Variants in YPEL1 observed in about 807,000 individuals in gnomAD.
The protein encoded by YPEL1 is yippee like 1.
Under a neutral mutation model 17.3 loss-of-function variants are expected in YPEL1, and 7 were observed. The observed-to-expected ratio is 0.40, with a 90% CI of 0.23 to 0.76. The LOEUF is 0.76. Among genes scored for constraint, YPEL1 ranks in the 30% least tolerant of loss-of-function variants. The pLI is 0.35. For synonymous variants in YPEL1, 59 were observed against 59.6 expected, an observed-to-expected ratio of 0.99 and a Z score of 0.05; for missense variants, 91 against 155.5, an observed-to-expected ratio of 0.59 and a Z score of 2.21.
rs1222789346 is a variant in YPEL1, at chr22:21,703,982, C to G, written c.118-100G>C. ...AGTCCAGCCCCGCGGCTGTTAGCTG[C>G]GCCGGGACGCGTCACCGGGAGCAGA... On this transcript the variant is annotated intron_variant, in intron 2 of 4. Transcript: ENST00000339468. This position sits in a 1 kb window ranked among gnomAD's most constrained non-coding sequence, Gnocchi z 6.1. 4.5e-6 allele frequency: 6 copies of G among 1,324,366 alleles called. No homozygotes were observed. Among genetic ancestry groups the G allele is most frequent in the African/African-American group, 1.5e-5 (1 of 68,450 alleles). 82.0% of individuals were successfully genotyped at this position (1,324,366 alleles called of 1,614,324 possible). A position where few individuals can be genotyped will look rare whatever the true frequency, so the allele number is the denominator to read the frequency against.
At position 21,703,318 on chromosome 22, in the gene YPEL1, C is replaced by T; in HGVS notation, c.270+52G>A. 2 of 1,538,102 alleles carry T rather than the reference C, an allele frequency of 1.3e-6. No individual in the cohort carries two copies. The highest frequency in any genetic ancestry group is 1.1e-5 in the South Asian group (1 of 89,558). ...TGCACGGGGAGGTGTGGCTCAGTGG[C>T]AACTTAGTGCCACATCCCCTTGTGG... On this transcript the variant is annotated intron_variant, in intron 4 of 4. Transcript: ENST00000339468. The surrounding 1 kb of genome is among the most constrained non-coding windows in gnomAD (Gnocchi z 6.1).
In YPEL1 at chr22:21,703,727, T is replaced by G; in HGVS notation, c.161+112A>C. 8.3e-7 allele frequency: 1 copy of G among 1,208,696 alleles called. No homozygotes were observed. The allele number at this position is 1,208,696 out of a possible 1,614,324, so 74.9% of individuals were successfully genotyped here. Reference sequence around the variant, plus strand: ...AACTCCCGGCGGGGGGATGGTGGGTTCTTTCAGGACCCCTAAAGACCCAGG... The same window carrying G: ...AACTCCCGGCGGGGGGATGGTGGGTGCTTTCAGGACCCCTAAAGACCCAGG... On this transcript the variant is annotated intron_variant, in intron 3 of 4. Transcript: ENST00000339468. This position sits in a 1 kb window ranked among gnomAD's most constrained non-coding sequence, Gnocchi z 6.1.
chr22:21,729,299 C>T (rs369235222), intron 1 of YPEL1, among the ~76,000 whole-genome samples: 2 of 147,118 alleles, frequency 1.4e-5, no homozygotes, highest in Admixed American at 1.4e-4. Context: ...TGACAGAGTA[C>T]GATCTTATCT....
rs1187616162 is a variant in YPEL1 at position 21,727,056 on chromosome 22, C to T, written c.-165+8559G>A. On this transcript the variant is annotated intron_variant, in intron 1 of 4. Coordinates refer to ENST00000339468, the MANE Select transcript of YPEL1 (RefSeq NM_013313.5). The stretch of plus-strand genomic sequence containing the variant: ...AGACCTTCATTATACAGCCCCGCCC[C>T]CAAGGCAATCTTACCTGAAGAGCCT... Among the ~76,000 whole-genome samples, 6 of 152,166 alleles carry T rather than the reference C, an allele frequency of 3.9e-5. No homozygotes were observed. The South Asian group carries it at 1.0e-3, about 26-fold the overall frequency.
At position 21,701,001 on chromosome 22, in the gene YPEL1, G is replaced by C; in HGVS notation, c.*128C>G. On this transcript the variant is annotated 3_prime_UTR_variant, in exon 5 of 5. Transcript: ENST00000339468. ...CCACAGAGATGGCCGAGAGTGTCAA[G>C]AGCTATGCGCAGCTAGCCTTTGAGG... is the stretch of plus-strand genomic sequence containing the variant. 1 of 731,812 alleles carries C rather than the reference G, an allele frequency of 1.4e-6. No homozygotes were observed. Among genetic ancestry groups the C allele is most frequent in the African/African-American group, 1.7e-5 (1 of 57,436 alleles). 45.3% of individuals were successfully genotyped at this position (731,812 alleles called of 1,614,324 possible).
At chr22:21,719,582 C>T (rs2068259712) in intron 1 of YPEL1, among the ~76,000 whole-genome samples, 1 of 152,094 alleles carries the variant, frequency 6.6e-6, no homozygotes, top group African/African-American at 2.4e-5. Context: ...CTTTGTTCAT[C>T]ATTTTAAAAT....
intron 1 of YPEL1, among the ~76,000 whole-genome samples, chr22:21,728,047 G>A (rs765279031): frequency 4.6e-5 from 7 of 152,198 alleles, no homozygotes; most frequent in African/African-American, 7.2e-5. Context: ...AGAATGCCAG[G>A]GAGAGCGGGG....
rs182271632 is a variant in YPEL1 at position 21,710,848 on chromosome 22, G to A, written c.-104C>T. On this transcript the variant is annotated 5_prime_UTR_variant, in exon 2 of 5. It adds an upstream start codon to the 5' untranslated region. Coordinates refer to ENST00000339468, the MANE Select transcript of YPEL1 (RefSeq NM_013313.5). ...ACACTGGAAAATGCACGCAAGAGCC[G>A]TCGTTGTCCAGGAGGGCGTGTGGCA... The A allele has an allele frequency of 4.8e-6, 5 of 1,040,390 alleles. No individual in the cohort carries two copies. The highest frequency in any genetic ancestry group is 1.6e-5 in the African/African-American group (1 of 63,856). The allele number at this position is 1,040,390 out of a possible 1,614,324, so 64.4% of individuals were successfully genotyped here. A position where few individuals can be genotyped will look rare whatever the true frequency, so the allele number is the denominator to read the frequency against.
intron 2 of YPEL1, among the ~76,000 whole-genome samples, chr22:21,706,290 A>G (rs992486388): frequency 6.6e-6 from 1 of 151,336 alleles, no homozygotes; most frequent in Non-Finnish European, 1.5e-5. Flanking sequence ...TTAGCTGGGC[A>G]TGGTGGTGCG....
In YPEL1 at chr22:21,700,915, C is replaced by A. The variant is rs1172575263; in HGVS notation, c.*214G>T. On this transcript the variant is annotated 3_prime_UTR_variant, in exon 5 of 5. Transcript: ENST00000339468. ...AGAACTTGAGAAGTTAGAAAAAGCT[C>A]ATTGAAAATTTTCAGAAACAACTGT... 1 of 434,922 alleles carries A rather than the reference C, an allele frequency of 2.3e-6. No individual in the cohort carries two copies. The highest frequency in any genetic ancestry group is 3.5e-5 in the East Asian group (1 of 28,804). The allele number at this position is 434,922 out of a possible 1,614,324, so 26.9% of individuals were successfully genotyped here. A position where few individuals can be genotyped will look rare whatever the true frequency, so the allele number is the denominator to read the frequency against.
chr22:21,729,459 AT>A (rs1234226425), intron 1 of YPEL1, among the ~76,000 whole-genome samples: 21 of 144,826 alleles, frequency 1.5e-4, no homozygotes, highest in Non-Finnish European at 2.3e-4. Context: ...AAAAAAAAAA[AT>A]GAGCTGGGTG....
At chr22:21,712,374 A>AAAAC (rs1431576073) in intron 1 of YPEL1, among the ~76,000 whole-genome samples, 4 of 151,082 alleles carry the variant, frequency 2.6e-5, no homozygotes, top group Non-Finnish European at 5.9e-5. Flanking sequence ...ATGTAAAAAA[A>AAAAC]AAAAAAAAAA....
chr22:21,702,280 G>A (rs1009846428), intron 4 of YPEL1, among the ~76,000 whole-genome samples: 1 of 152,158 alleles, frequency 6.6e-6, no homozygotes, highest in Non-Finnish European at 1.5e-5. Flanking sequence ...GGGAAGGCAC[G>A]GGTTTCTGGA....
intron 1 of YPEL1, among the ~76,000 whole-genome samples, chr22:21,721,258 G>A (rs773492173): frequency 1.5e-4 from 22 of 151,614 alleles, no homozygotes; most frequent in Non-Finnish European, 3.1e-4. Context: ...GATTACAGGC[G>A]TGTGCCACCA....
chr22:21,728,057 G>C (rs1479029000), intron 1 of YPEL1, among the ~76,000 whole-genome samples: 3 of 152,206 alleles, frequency 2.0e-5, no homozygotes, highest in Non-Finnish European at 2.9e-5. Flanking sequence ...GGAGAGCGGG[G>C]AAGGAACAGT....
chr22:21,701,319 T>C (rs2068064030), intron 4 of YPEL1, 101 bp from the exon 5 acceptor site: 1 of 838,946 alleles, frequency 1.2e-6, no homozygotes, highest in Non-Finnish European at 1.9e-6. Flanking sequence ...CTATGAACTA[T>C]ATACCCAGAT....
chr22:21,725,019 T>C (rs2068320801), intron 1 of YPEL1, among the ~76,000 whole-genome samples: 1 of 151,888 alleles, frequency 6.6e-6, no homozygotes, highest in African/African-American at 2.4e-5. Context: ...GTGATTCTCC[T>C]GCCTCAGCCT....
intron 1 of YPEL1, among the ~76,000 whole-genome samples, chr22:21,717,963 C>CAA (rs34399226): frequency 2.0e-5 from 3 of 150,700 alleles, no homozygotes; most frequent in South Asian, 2.1e-4. Flanking sequence ...TGTCTCTACG[C>CAA]AAAAAAAGTG....
Position 21,703,968 on chromosome 22 carries a change from G to A in YPEL1, c.118-86C>T, listed in dbSNP as rs73384107. On this transcript the variant is annotated intron_variant, in intron 2 of 4. Coordinates refer to ENST00000339468, the MANE Select transcript of YPEL1 (RefSeq NM_013313.5). The surrounding 1 kb of genome is among the most constrained non-coding windows in gnomAD (Gnocchi z 6.1). ...CCCAGAACCAGGGGAGTCCAGCCCC[G>A]CGGCTGTTAGCTGCGCCGGGACGCG... is the stretch of plus-strand genomic sequence containing the variant. 3.1e-3 allele frequency: 4,470 copies of A among 1,465,164 alleles called. 30 individuals carry two copies. Among genetic ancestry groups the A allele is most frequent in the African/African-American group, 0.028 (1,969 of 71,408 alleles). 90.8% of individuals were successfully genotyped at this position (1,465,164 alleles called of 1,614,324 possible).
Sources: allele counts gnomAD v4.1 joint callset (sites outside exome capture counted in the v4.1 genomes callset), GRCh38; gene constraint gnomAD v4.1.1; non-coding constraint Gnocchi (gnomAD v3.1); transcripts MANE v1.5; gene names NCBI Gene and HGNC (gene_info 2026-07-23, HGNC 2026-07-21).